PAX9: variants seen among roughly 807,000 people sequenced by gnomAD.
PAX9 encodes the protein paired box 9.
A neutral mutation model predicts 29.1 loss-of-function variants in PAX9; 6 were observed. The observed-to-expected ratio is 0.21, with a 90% confidence interval of 0.11 to 0.41. PAX9 has a LOEUF of 0.41. PAX9 is among the 10% of genes least tolerant of loss of function. PAX9 has a pLI of 1.00. For missense variants in PAX9, 443 were observed against 479.1 expected (o/e 0.92, Z 0.70); for synonymous variants, 217 against 211.7 (o/e 1.03, Z -0.22).
intron 2 of PAX9, 92 bp downstream of exon 2, chr14:36,663,615 C>G: frequency 1.3e-6 from 2 of 1,502,622 alleles, no homozygotes; most frequent in South Asian, 2.3e-5. Context: ...GGGACACTGT[C>G]TTTCCCACCA....
Position 36,663,478 on chromosome 14 carries a change from C to T in PAX9, c.586C>T (p.His196Tyr), listed in dbSNP as rs767010050. 2.5e-6 allele frequency: 4 copies of T among 1,612,992 alleles called. No homozygotes were observed. Among genetic ancestry groups the T allele is most frequent in the Non-Finnish European group, 1.7e-6 (2 of 1,179,888 alleles). ...VAMPRTWPSS[H>Y]SVTDILGIRS... Reference sequence around the variant, plus strand: ...CATGCCGCGCACCTGGCCCTCCTCGCACTCCGTCACCGACATCCTGGGCAT... The same window carrying T: ...CATGCCGCGCACCTGGCCCTCCTCGTACTCCGTCACCGACATCCTGGGCAT... The change falls in exon 2 of 4, where the codon CAC becomes TAC. Residue 196 changes from histidine (H) to tyrosine (Y), a missense_variant. Coordinates refer to ENST00000361487, the MANE Select transcript of PAX9 (RefSeq NM_001372076.1).
intron 2 of PAX9, 87 bp downstream of exon 2, chr14:36,663,610 A>T: frequency 6.5e-7 from 1 of 1,531,856 alleles, no homozygotes; most frequent in Non-Finnish European, 8.9e-7. Context: ...CCTCAGGGAC[A>T]CTGTCTTTCC....
intron 3 of PAX9, among the ~76,000 whole-genome samples, chr14:36,667,334 TC>T (rs924605223): frequency 6.6e-6 from 1 of 151,556 alleles, no homozygotes; most frequent in East Asian, 1.9e-4. Flanking sequence ...GTTTTTATTT[TC>T]CCCCCGAGAA....
chr14:36,662,656 CACTTT>C (rs1454596475), intron 1 of PAX9: 5 of 575,956 alleles, frequency 8.7e-6, no homozygotes, highest in African/African-American at 3.7e-5. Context: ...GGCATCTCAC[CACTTT>C]ACTTGGCCGT....
In PAX9 at chr14:36,676,241, C is replaced by G. The variant is rs1307454237; in HGVS notation, c.815C>G (p.Ser272Cys). 2 of 1,614,186 alleles carry G rather than the reference C, an allele frequency of 1.2e-6. No homozygotes were observed. The highest frequency in any genetic ancestry group is 8.5e-7 in the Non-Finnish European group (1 of 1,180,020). Reference sequence around the variant, plus strand: ...GCTGTGGGCAGTTTTGTGTCAGCATCCAGCATGGCTCCTTACCCTACCCCA... The same window carrying G: ...GCTGTGGGCAGTTTTGTGTCAGCATGCAGCATGGCTCCTTACCCTACCCCA... Reference protein sequence around the residue: ...LPAVGSFVSASSMAPYPTPAQ... With the variant: ...LPAVGSFVSACSMAPYPTPAQ... The change falls in exon 4 of 4, where the codon TCC (serine) becomes TGC (cysteine). Residue 272 changes from serine (S) to cysteine (C), a missense_variant. Transcript: ENST00000361487.
Position 36,663,216 on chromosome 14 carries a change from G to A in PAX9, c.324G>A (p.Ala108=). The A allele has an allele frequency of 6.2e-7, 1 of 1,614,002 alleles. No homozygotes were observed. The highest frequency in any genetic ancestry group is 8.5e-7 in the Non-Finnish European group (1 of 1,180,034). The change falls in exon 2 of 4, where the codon GCG becomes GCA. Residue 108 remains alanine, a synonymous_variant. Coordinates refer to ENST00000361487, the MANE Select transcript of PAX9 (RefSeq NM_001372076.1). The part of the protein sequence containing the change: ...FAWEIRDRLL[A]DGVCDKYNVP... ...GGGAGATCCGGGACCGCCTGCTGGC[G>A]GACGGCGTGTGCGACAAGTACAATG... is the stretch of plus-strand genomic sequence containing the variant.
At chr14:36,664,357 G>C (rs1367497838) in intron 2 of PAX9, among the ~76,000 whole-genome samples, 3 of 90,420 alleles carry the variant, frequency 3.3e-5, no homozygotes, top group Non-Finnish European at 7.8e-5. Context: ...TTTCCTTTGG[G>C]GTCCCCGGGT....
At chr14:36,671,364 T>C (rs1881687610) in intron 3 of PAX9, among the ~76,000 whole-genome samples, 1 of 152,032 alleles carries the variant, frequency 6.6e-6, no homozygotes, top group South Asian at 2.1e-4. Context: ...CGTATTTTCC[T>C]TTACTTGGAG....
intron 2 of PAX9, 88 bp downstream of exon 2, chr14:36,663,611 C>T (rs1329702595): frequency 1.3e-6 from 2 of 1,520,396 alleles, no homozygotes; most frequent in African/African-American, 1.4e-5. Context: ...CTCAGGGACA[C>T]TGTCTTTCCC....
Position 36,663,286 on chromosome 14 carries a change from G to T in PAX9, c.394G>T (p.Gly132Cys), listed in dbSNP as rs1241635384. The T allele has an allele frequency of 1.9e-6, 3 of 1,614,050 alleles. No individual in the cohort carries two copies. The highest frequency in any genetic ancestry group is 2.7e-5 in the African/African-American group (2 of 74,944). Residue 132 changes from glycine to cysteine, a missense_variant, in exon 2 of 4, where the codon GGC becomes TGC. Physicochemically the swap from Gly to Cys is radical, Grantham distance 159. This residue lies in a region of PAX9 where 336 missense variants were observed against 317.2 expected (regional missense o/e 1.06). Coordinates refer to ENST00000361487, the MANE Select transcript of PAX9 (RefSeq NM_001372076.1). ...CAGCCGCATTCTGCGCAACAAGATC[G>T]GCAACTTGGCCCAGCAGGGTCATTA... ...SISRILRNKI[G>C]NLAQQGHYDS...
chr14:36,674,124 C>T (rs1881796169), intron 3 of PAX9, among the ~76,000 whole-genome samples: 1 of 152,210 alleles, frequency 6.6e-6, no homozygotes. Context: ...TGATAGTTCT[C>T]TATCTTGATA....
At chr14:36,658,443 C>G (rs946871236), upstream of PAX9, 1 of 152,046 alleles carries the variant, frequency 6.6e-6, no homozygotes, top group Admixed American at 6.5e-5. Context: ...TTTCTGCTAG[C>G]TCTGCTTGTC....
intron 3 of PAX9, among the ~76,000 whole-genome samples, chr14:36,673,449 C>A (rs1323712029): frequency 2.0e-5 from 3 of 152,100 alleles, no homozygotes; most frequent in Admixed American, 6.5e-5. Flanking sequence ...GGCCTAAATC[C>A]AATGTCCTGC....
intron 3 of PAX9, among the ~76,000 whole-genome samples, chr14:36,669,434 G>A (rs886595669): frequency 1.7e-4 from 19 of 108,952 alleles, no homozygotes; most frequent in Admixed American, 5.7e-4. Flanking sequence ...GAATGTCTTT[G>A]GCCAAAAAAA....
intron 3 of PAX9, 37 bp from the exon 4 acceptor site, chr14:36,676,161 A>G (rs774162568): frequency 2.4e-5 from 39 of 1,610,770 alleles, no homozygotes; most frequent in Non-Finnish European, 2.9e-5. Context: ...CACTCCTATA[A>G]TGTGATTATT....
Position 36,676,709 on chromosome 14 carries a change from G to A in PAX9, c.*257G>A, listed in dbSNP as rs1881906942. 3.8e-6 allele frequency: 2 copies of A among 529,920 alleles called. No homozygotes were observed. Among genetic ancestry groups the A allele is most frequent in the Non-Finnish European group, 6.8e-6 (2 of 292,490 alleles). 32.8% of individuals were successfully genotyped at this position (529,920 alleles called of 1,614,324 possible). ...AAGCATTGAATGAGACATTTGTGTT[G>A]CCCACATACTGTCTTAACATAACAA... On this transcript the variant is annotated 3_prime_UTR_variant, in exon 4 of 4. Transcript: ENST00000361487.
Position 36,676,780 on chromosome 14 carries a change from T to G in PAX9, c.*328T>G, listed in dbSNP as rs886050493. The G allele has an allele frequency of 5.5e-6, 2 of 362,866 alleles. No homozygotes were observed. Among genetic ancestry groups the G allele is most frequent in the Admixed American group, 4.1e-5 (1 of 24,510 alleles). 22.5% of individuals were successfully genotyped at this position (362,866 alleles called of 1,614,324 possible). A position where few individuals can be genotyped will look rare whatever the true frequency, so the allele number is the denominator to read the frequency against. On this transcript the variant is annotated 3_prime_UTR_variant, in exon 4 of 4. Coordinates refer to ENST00000361487, the MANE Select transcript of PAX9 (RefSeq NM_001372076.1). ...GGGTTTAAGGAACTTTACAAACTAG[T>G]CTTTGGTAAAACCACATGTGTATAT...
intron 3 of PAX9, among the ~76,000 whole-genome samples, chr14:36,672,635 C>CT (rs985687182): frequency 6.0e-5 from 9 of 150,980 alleles, no homozygotes; most frequent in Admixed American, 2.0e-4. Flanking sequence ...TTACTTGCTC[C>CT]TTTTTTTTCT....
rs17766200 is a variant in PAX9, at chr14:36,676,881, T to C, written c.*429T>C. 0.07 allele frequency: 15,178 copies of C among 217,660 alleles called. 696 individuals are homozygous for C. The highest frequency in any genetic ancestry group is 0.099 in the Non-Finnish European group (10,535 of 106,876). The allele number at this position is 217,660 out of a possible 1,614,324, so 13.5% of individuals were successfully genotyped here. A position where few individuals can be genotyped will look rare whatever the true frequency, so the allele number is the denominator to read the frequency against. ...CAAAATCAATAAAGGAAAATACTTA[T>C]AGAAAAAATTATGCTACACCCTCTA... On this transcript the variant is annotated 3_prime_UTR_variant, in exon 4 of 4. Coordinates refer to ENST00000361487, the MANE Select transcript of PAX9 (RefSeq NM_001372076.1).
Sources: allele counts gnomAD v4.1 joint callset (sites outside exome capture counted in the v4.1 genomes callset), GRCh38; gene constraint gnomAD v4.1.1; regional missense constraint gnomAD v4.1.1; transcripts MANE v1.5; gene names NCBI Gene and HGNC (gene_info 2026-07-23, HGNC 2026-07-21).